ARHGAP4: variants seen among roughly 807,000 people sequenced by gnomAD.
ARHGAP4 encodes the protein rho GTPase-activating protein 4.
In ARHGAP4, 25 loss-of-function variants were observed where a neutral mutation model predicts 67.6. That is an observed-to-expected ratio of 0.37 (90% CI 0.27 to 0.52). ARHGAP4 has a LOEUF of 0.52. Ranked by LOEUF, ARHGAP4 falls within the 20% of genes least tolerant of loss-of-function variation. ARHGAP4 has a pLI of 0.92. For synonymous variants in ARHGAP4, 448 were observed against 373.7 expected (o/e 1.20, Z -2.29); for missense variants, 804 against 854.6 (o/e 0.94, Z 0.74).
chrX:153,907,510 C>A lies in ARHGAP4; in HGVS notation c.*219G>T, dbSNP rs2064979012. ...GAAGAGGGCTTTCCCCAGCATCCTT[C>A]CTCAGCTGCCTCCAAAAGGGGCCTG... is the stretch of plus-strand genomic sequence containing the variant. On this transcript the variant is annotated 3_prime_UTR_variant, in exon 22 of 22. Transcript: ENST00000350060. 1 of 376,337 alleles carries A rather than the reference C, an allele frequency of 2.7e-6. No homozygotes were observed. Among genetic ancestry groups the A allele is most frequent in the Admixed American group, 4.9e-5 (1 of 20,595 alleles). 31.0% of individuals were successfully genotyped at this position (376,337 alleles called of 1,213,427 possible).
At chrX:153,909,642 G>A (rs902084793) in intron 19 of ARHGAP4, 99 bp downstream of exon 19, 9 of 1,078,358 alleles carry the variant, frequency 8.3e-6, no homozygotes, top group Non-Finnish European at 8.6e-6. Flanking sequence ...CTGTTCTCTG[G>A]CCCAGCCCAG....
At chrX:153,919,822 T>G (rs1340645687) in intron 5 of ARHGAP4, 33 of 656,444 alleles carry the variant, frequency 5.0e-5, no homozygotes, top group Non-Finnish European at 6.8e-5. Context: ...AGTCTCGCTC[T>G]GTCGCCCAGG....
chrX:153,911,107 G>C, intron 13 of ARHGAP4, 22 bp downstream of exon 13: 1 of 1,167,991 alleles, frequency 8.6e-7, no homozygotes, highest in Non-Finnish European at 1.1e-6. Flanking sequence ...CAGGACATCG[G>C]GAGGGGCTGG....
rs989409627 is a variant in ARHGAP4, at chrX:153,907,805, G to A, written c.2765C>T (p.Ser922Phe). ...SSRLGRNKGF[S>F]RGPGAPASPS... is the part of the protein sequence containing the mutation. ...TGAGGCTGGGGCCCCAGGGCCCCGGGAGAAGCCTTTGTTCCTGCCCAGGCG... is the reference window on the plus strand; with the variant it reads ...TGAGGCTGGGGCCCCAGGGCCCCGGAAGAAGCCTTTGTTCCTGCCCAGGCG... The change falls in exon 22 of 22, where the codon TCC (serine) becomes TTC (phenylalanine). Residue 922 changes from serine to phenylalanine, a missense_variant. Physicochemically the swap from Ser to Phe is radical, Grantham distance 155. Around this residue, in one of 2 missense-constraint regions of ARHGAP4, gnomAD observed 400 missense variants for 348.7 expected, o/e 1.15. Coordinates refer to ENST00000350060, the MANE Select transcript of ARHGAP4 (RefSeq NM_001666.5). 8.9e-6 allele frequency: 9 copies of A among 1,008,866 alleles called. No individual in the cohort carries two copies. In the African/African-American group the frequency reaches 1.4e-4, roughly 15 times the overall value. The allele number at this position is 1,008,866 out of a possible 1,213,427, so 83.1% of individuals were successfully genotyped here. A position where few individuals can be genotyped will look rare whatever the true frequency, so the allele number is the denominator to read the frequency against.
chrX:153,909,417 C>T, intron 20 of ARHGAP4, 26 bp downstream of exon 20: 5 of 1,166,541 alleles, frequency 4.3e-6, no homozygotes, highest in Non-Finnish European at 5.7e-6. Flanking sequence ...CACGTGTGGC[C>T]CCCTGAGCCC....
intron 7 of ARHGAP4, among the ~76,000 whole-genome samples, chrX:153,916,530 T>A (rs1420056732): frequency 8.9e-6 from 1 of 112,402 alleles, no homozygotes. Flanking sequence ...TCTCACCCCC[T>A]CTCCTCCCTA....
At chrX:153,919,509 T>C (rs1412794060) in intron 5 of ARHGAP4, 4 of 1,133,217 alleles carry the variant, frequency 3.5e-6, no homozygotes, top group Non-Finnish European at 4.7e-6. Flanking sequence ...CTTGCCTTGG[T>C]TCGAGCCACA....
intron 1 of ARHGAP4, among the ~76,000 whole-genome samples, chrX:153,923,711 C>T (rs2065109871): frequency 8.9e-6 from 1 of 112,993 alleles, no homozygotes; most frequent in Non-Finnish European, 1.9e-5. Flanking sequence ...CTCGTCAGCT[C>T]CAAGGCCAGG....
At position 153,921,623 on chromosome X, in the gene ARHGAP4, C is replaced by T. The variant is rs782005748; in HGVS notation, c.254G>A (p.Arg85Gln). 2.5e-6 allele frequency: 3 copies of T among 1,209,399 alleles called. No homozygotes were observed. The highest frequency in any genetic ancestry group is 3.5e-5 in the South Asian group (2 of 56,710). Residue 85 changes from arginine to glutamine, a missense_variant, in exon 2 of 22, where the codon CGG becomes CAG. Physicochemically the swap from Arg to Gln is conservative, Grantham distance 43. This residue lies in a region of ARHGAP4 where 404 missense variants were observed against 505.9 expected (regional missense o/e 0.80). Coordinates refer to ENST00000350060, the MANE Select transcript of ARHGAP4 (RefSeq NM_001666.5). ...SSRGGRLGSS[R>Q]EHQSFRKEPS... ...CACCTACCGGAAGCTTTGGTGCTCCCGGCTGCTCCCCAGGCGGCCTCCACG... is the reference window on the plus strand; with the variant it reads ...CACCTACCGGAAGCTTTGGTGCTCCTGGCTGCTCCCCAGGCGGCCTCCACG...
At chrX:153,910,143 A>C (rs1557102605) in intron 17 of ARHGAP4, 28 bp downstream of exon 17, 1 of 1,210,126 alleles carries the variant, frequency 8.3e-7, no homozygotes, top group South Asian at 1.8e-5. Flanking sequence ...TGGACCCCCC[A>C]GTCCCCTCGG....
At chrX:153,909,955 AG>A (rs2065005498) in intron 18 of ARHGAP4, 31 bp from the exon 19 acceptor site, 10 of 895,716 alleles carry the variant, frequency 1.1e-5, no homozygotes, top group Admixed American at 2.5e-5. Context: ...AAGCTGTGGG[AG>A]GGGGTGTGGA....
chrX:153,907,649 T>C lies in ARHGAP4; in HGVS notation c.*80A>G. ...GCACCCTGCACTTGCTGGACAGGGC[T>C]GGAGAGAAGCAAGGGGGCTGGGGAG... On this transcript the variant is annotated 3_prime_UTR_variant, in exon 22 of 22. Coordinates refer to ENST00000350060, the MANE Select transcript of ARHGAP4 (RefSeq NM_001666.5). The C allele has an allele frequency of 2.1e-6, 1 of 466,978 alleles. No individual in the cohort carries two copies. Among genetic ancestry groups the C allele is most frequent in the Non-Finnish European group, 3.3e-6 (1 of 304,191 alleles). 38.5% of individuals were successfully genotyped at this position (466,978 alleles called of 1,213,427 possible).
intron 7 of ARHGAP4, among the ~76,000 whole-genome samples, chrX:153,916,921 A>T (rs1054682362): frequency 2.2e-4 from 24 of 111,559 alleles, no homozygotes; most frequent in Non-Finnish European, 3.0e-4. Flanking sequence ...CTACTAAAAA[A>T]TAAAAATAAA....
chrX:153,913,632 G>A, intron 8 of ARHGAP4, 32 bp from the exon 9 acceptor site: 1 of 1,187,919 alleles, frequency 8.4e-7, no homozygotes, highest in Non-Finnish European at 1.1e-6. Context: ...GGTGGTAAGA[G>A]GTGGGGGACA....
chrX:153,924,247 G>A (rs1226346061), intron 1 of ARHGAP4, among the ~76,000 whole-genome samples: 1 of 111,871 alleles, frequency 8.9e-6, no homozygotes, highest in African/African-American at 3.3e-5. Context: ...ACCAGCAGAG[G>A]GAACCGCTGC....
intron 17 of ARHGAP4, 23 bp from the exon 18 acceptor site, chrX:153,910,108 G>C: frequency 3.3e-6 from 4 of 1,210,780 alleles, no homozygotes; most frequent in Non-Finnish European, 4.5e-6. Flanking sequence ...GCAGAGCGAG[G>C]CAGATGAGGG....
At chrX:153,923,569 C>T (rs1417588358) in intron 1 of ARHGAP4, among the ~76,000 whole-genome samples, 2 of 112,109 alleles carry the variant, frequency 1.8e-5, no homozygotes, top group East Asian at 2.8e-4. Flanking sequence ...CTCTTCCCAC[C>T]GGCAGATCAA....
rs782034668 is a variant in ARHGAP4 at position 153,910,254 on chromosome X, G to T, written c.2073C>A (p.Pro691=). 6.6e-6 allele frequency: 8 copies of T among 1,209,138 alleles called. No individual in the cohort carries two copies. The African/African-American group carries it at 1.4e-4, about 21-fold the overall frequency. The part of the protein sequence containing the change: ...NQLVQTLIVQ[P]DRVFPPLTSL... ...AGGTCAGGGGCGGGAAGACCCGATC[G>T]GGCTGCACTATGAGCGTCTGCACCA... The change falls in exon 17 of 22, where the codon CCC becomes CCA. Residue 691 remains proline, a synonymous_variant. Coordinates refer to ENST00000350060, the MANE Select transcript of ARHGAP4 (RefSeq NM_001666.5).
Position 153,910,588 on chromosome X carries a change from C to G in ARHGAP4, c.1840G>C (p.Val614Leu). Residue 614 changes from valine (V) to leucine (L), a missense_variant, in exon 16 of 22, where the codon GTG becomes CTG. By Grantham distance (32) the Val-to-Leu change is conservative. Coordinates refer to ENST00000350060, the MANE Select transcript of ARHGAP4 (RefSeq NM_001666.5). ...SSELEATAER[V>L]EHVSRLLWRL... ...CACAGCAGGCGGCTCACGTGCTCCA[C>G]CCTCTCCGCTGTGGCCTCCAGCTCT... 3 of 1,208,059 alleles carry G rather than the reference C, an allele frequency of 2.5e-6. No individual in the cohort carries two copies. Among genetic ancestry groups the G allele is most frequent in the Non-Finnish European group, 3.4e-6 (3 of 894,538 alleles).
Sources: allele counts gnomAD v4.1 joint callset (sites outside exome capture counted in the v4.1 genomes callset), GRCh38; gene constraint gnomAD v4.1.1; regional missense constraint gnomAD v4.1.1; transcripts MANE v1.5; gene names NCBI Gene and HGNC (gene_info 2026-07-23, HGNC 2026-07-21).